THRB: variants seen among roughly 807,000 people sequenced by gnomAD.
THRB encodes the protein nuclear receptor subfamily 1 group A member 2.
A neutral mutation model predicts 47.8 loss-of-function variants in THRB; 12 were observed. The observed-to-expected ratio is 0.25, with a 90% CI of 0.16 to 0.41. The LOEUF is 0.41. Ranked by LOEUF, THRB falls within the 10% of genes least tolerant of loss-of-function variation. The pLI, the probability that THRB is intolerant of heterozygous loss-of-function variation, is 1.00. For synonymous variants in THRB, 218 were observed against 212.2 expected, an observed-to-expected ratio of 1.03 and a Z score of -0.24; for missense variants, 348 against 589.2, an observed-to-expected ratio of 0.59 and a Z score of 4.24.
chr3:24,256,997 C>T (rs2051355986), intron 3 of THRB, among the ~76,000 whole-genome samples: 1 of 151,892 alleles, frequency 6.6e-6, no homozygotes, highest in Admixed American at 6.6e-5. Context: ...GGCAAAAGCC[C>T]TTTGCAGAAA....
intron 3 of THRB, among the ~76,000 whole-genome samples, chr3:24,286,873 C>T (rs183480848): frequency 4.3e-4 from 66 of 152,178 alleles, no homozygotes; most frequent in Admixed American, 7.2e-4. Flanking sequence ...TTAGCCTGGG[C>T]GGCATGGGGT....
chr3:24,457,543 T>C (rs971175035), intron 1 of THRB, among the ~76,000 whole-genome samples: 4 of 152,172 alleles, frequency 2.6e-5, no homozygotes, highest in Admixed American at 2.0e-4. Flanking sequence ...AAAATCTGGA[T>C]TTTTCTGACA....
At chr3:24,459,748 C>A (rs2073529702) in intron 1 of THRB, among the ~76,000 whole-genome samples, 2 of 152,130 alleles carry the variant, frequency 1.3e-5, no homozygotes, top group South Asian at 4.1e-4. Flanking sequence ...TTGTTGGCTG[C>A]ATAAATGTCT....
At chr3:24,307,093 C>T (rs1004906535) in intron 2 of THRB, among the ~76,000 whole-genome samples, 3 of 151,610 alleles carry the variant, frequency 2.0e-5, no homozygotes, top group Non-Finnish European at 2.9e-5. Flanking sequence ...TCTTACTTGG[C>T]AATAATTTTT....
intron 1 of THRB, among the ~76,000 whole-genome samples, chr3:24,353,169 A>C (rs1193181218): frequency 6.6e-6 from 1 of 152,170 alleles, no homozygotes; most frequent in Non-Finnish European, 1.5e-5. Flanking sequence ...CTTACAAAAA[A>C]AAAACCTCTT....
At chr3:24,189,997 T>A (rs1559551380) in intron 5 of THRB, 77 bp downstream of exon 5, 2 of 1,408,954 alleles carry the variant, frequency 1.4e-6, no homozygotes, top group South Asian at 2.3e-5. Flanking sequence ...GAAATGTAGA[T>A]GAAGTACACA....
chr3:24,450,444 G>C (rs2072537872), intron 1 of THRB, among the ~76,000 whole-genome samples: 2 of 152,140 alleles, frequency 1.3e-5, no homozygotes, highest in South Asian at 4.1e-4. Flanking sequence ...ATTACAAAAA[G>C]TGACATTTTA....
chr3:24,182,689 T>C (rs1357395840), intron 5 of THRB, among the ~76,000 whole-genome samples: 1 of 152,188 alleles, frequency 6.6e-6, no homozygotes, highest in Non-Finnish European at 1.5e-5. Flanking sequence ...CACAATTCTG[T>C]GAAAGAGGGT....
intron 1 of THRB, among the ~76,000 whole-genome samples, chr3:24,452,337 A>C (rs77949296): frequency 0.02 from 2,972 of 152,166 alleles, 126 homozygotes; most frequent in East Asian, 0.18. Context: ...GTGCGTGCCT[A>C]ACTTCCCTCA....
At chr3:24,194,933 AG>A (rs778612528) in intron 4 of THRB, among the ~76,000 whole-genome samples, 63 of 152,342 alleles carry the variant, frequency 4.1e-4, no homozygotes, top group Non-Finnish European at 6.6e-4. Flanking sequence ...GCAAGAGTTT[AG>A]CTTGCATTAA....
At chr3:24,132,033 G>A (rs886642673) in intron 9 of THRB, among the ~76,000 whole-genome samples, 1 of 152,176 alleles carries the variant, frequency 6.6e-6, no homozygotes, top group African/African-American at 2.4e-5. Flanking sequence ...AATTGGCAAT[G>A]AGAAGTGTCC....
chr3:24,225,548 C>A (rs826224), intron 4 of THRB, among the ~76,000 whole-genome samples: 35,427 of 152,118 alleles, frequency 0.23, 4,531 homozygotes, highest in East Asian at 0.43. Context: ...CCAGGTTCAG[C>A]GCAAACATAA....
intron 2 of THRB, among the ~76,000 whole-genome samples, chr3:24,314,016 G>A (rs2057942064): frequency 1.3e-5 from 2 of 152,088 alleles, no homozygotes; most frequent in African/African-American, 4.8e-5. Flanking sequence ...TCTTCTTTTC[G>A]ATTCATGACC....
At chr3:24,473,597 C>G (rs1196560717) in intron 1 of THRB, among the ~76,000 whole-genome samples, 2 of 152,052 alleles carry the variant, frequency 1.3e-5, no homozygotes, top group Non-Finnish European at 2.9e-5. Context: ...GGGTATATAC[C>G]CAAAGGATTA....
At chr3:24,196,357 TAAAA>T (rs917886453) in intron 4 of THRB, among the ~76,000 whole-genome samples, 17 of 151,952 alleles carry the variant, frequency 1.1e-4, no homozygotes, top group Non-Finnish European at 2.1e-4. Context: ...AAAATAAAAA[TAAAA>T]AAAGTTGCTT....
intron 1 of THRB, among the ~76,000 whole-genome samples, chr3:24,347,842 T>C (rs1347385720): frequency 6.6e-6 from 1 of 152,116 alleles, no homozygotes; most frequent in African/African-American, 2.4e-5. Context: ...ACAAATCTAC[T>C]CACACAGTAT....
chr3:24,347,940 A>G (rs2063126406), intron 1 of THRB, among the ~76,000 whole-genome samples: 1 of 152,204 alleles, frequency 6.6e-6, no homozygotes, highest in Admixed American at 6.5e-5. Flanking sequence ...TTCAGGTTAT[A>G]GAAGAAGTGG....
chr3:24,390,335 T>C (rs533733685), intron 1 of THRB, among the ~76,000 whole-genome samples: 1 of 152,316 alleles, frequency 6.6e-6, no homozygotes, highest in South Asian at 2.1e-4. Flanking sequence ...ACTCCTATGC[T>C]TGCTTTGCTT....
chr3:24,131,670 A>AT (rs1276918689), intron 9 of THRB, among the ~76,000 whole-genome samples: 2 of 152,192 alleles, frequency 1.3e-5, no homozygotes, highest in Admixed American at 1.3e-4. Flanking sequence ...GCCCTTGTAA[A>AT]AGACATCCCA....
Sources: allele counts gnomAD v4.1 joint callset (sites outside exome capture counted in the v4.1 genomes callset), GRCh38; gene constraint gnomAD v4.1.1; transcripts MANE v1.5; gene names NCBI Gene and HGNC (gene_info 2026-07-23, HGNC 2026-07-21).